The following GPC5 variants were observed in gnomAD, a reference collection of about 807,000 sequenced individuals.
The protein encoded by GPC5 is glypican 5.
In GPC5, 47 loss-of-function variants were observed where a neutral mutation model predicts 53.9. The ratio of observed to expected loss-of-function variants is 0.87; its 90% CI spans 0.69 to 1.11. GPC5 has a LOEUF of 1.11. Ranked by LOEUF, GPC5 falls within the 50% of genes most tolerant of loss-of-function variation. The probability of loss-of-function intolerance (pLI) is 0.00; values close to 1 mark genes in which losing one functional copy is unlikely to be tolerated. For missense variants in GPC5, 748 were observed against 713.1 expected, an observed-to-expected ratio of 1.05 and a Z score of -0.56; for synonymous variants, 286 against 263.3, an observed-to-expected ratio of 1.09 and a Z score of -0.84.
At chr13:92,472,019 G>C (rs956410102) in intron 7 of GPC5, among the ~76,000 whole-genome samples, 8 of 152,058 alleles carry the variant, frequency 5.3e-5, no homozygotes, top group African/African-American at 1.9e-4. Flanking sequence ...CCTCTTAACT[G>C]GTGGCTAGCA....
At chr13:91,457,369 TA>T (rs1196253843) in intron 2 of GPC5, among the ~76,000 whole-genome samples, 1 of 152,150 alleles carries the variant, frequency 6.6e-6, no homozygotes, top group Admixed American at 6.6e-5. Flanking sequence ...AATGATACTA[TA>T]AAAAATATCT....
intron 7 of GPC5, among the ~76,000 whole-genome samples, chr13:92,495,471 T>A (rs1780920739): frequency 6.6e-6 from 1 of 152,186 alleles, no homozygotes; most frequent in African/African-American, 2.4e-5. Flanking sequence ...AGAAAATATT[T>A]TAATTTTATT....
At chr13:92,849,067 G>A (rs893712475) in intron 7 of GPC5, among the ~76,000 whole-genome samples, 1 of 151,276 alleles carries the variant, frequency 6.6e-6, no homozygotes, top group African/African-American at 2.4e-5. Context: ...GTTGACCCAA[G>A]GTACAGCAAA....
intron 2 of GPC5, among the ~76,000 whole-genome samples, chr13:91,450,758 C>T (rs771266122): frequency 1.0e-3 from 157 of 152,118 alleles, no homozygotes; most frequent in Non-Finnish European, 1.9e-3. Flanking sequence ...AATATAGAGA[C>T]ATTCTTAAAT....
intron 7 of GPC5, among the ~76,000 whole-genome samples, chr13:92,703,142 A>G (rs1006626904): frequency 1.3e-5 from 2 of 151,396 alleles, no homozygotes; most frequent in African/African-American, 4.9e-5. Flanking sequence ...ATTTATTTCT[A>G]CCTTCCTCCA....
intron 7 of GPC5, among the ~76,000 whole-genome samples, chr13:92,229,877 T>C (rs2042517350): frequency 6.6e-6 from 1 of 152,084 alleles, no homozygotes; most frequent in Admixed American, 6.5e-5. Context: ...CTTGACACTT[T>C]TTAAAAAATA....
Position 92,482,699 on chromosome 13 carries a change from T to C in GPC5, c.1561+337710T>C, listed in dbSNP as rs150980651. Among the ~76,000 whole-genome samples the C allele has an allele frequency of 2.4e-3, 361 of 152,282 alleles. 1 individual carries two copies. The highest frequency in any genetic ancestry group is 8.4e-3 in the African/African-American group (348 of 41,556). The stretch of plus-strand genomic sequence containing the variant: ...ATTAGAGTGGAAGTCAGGTACACTT[T>C]TACCCACGATTGTATTGCACTTAAA... On this transcript the variant is annotated intron_variant, in intron 7 of 7. Coordinates refer to ENST00000377067, the MANE Select transcript of GPC5 (RefSeq NM_004466.6).
chr13:91,973,347 T>C (rs1341999122), intron 6 of GPC5, among the ~76,000 whole-genome samples: 2 of 152,210 alleles, frequency 1.3e-5, no homozygotes, highest in Non-Finnish European at 2.9e-5. Flanking sequence ...TCTGCATTAG[T>C]TATTCTAGTC....
intron 6 of GPC5, among the ~76,000 whole-genome samples, chr13:91,961,356 G>T (rs1187863213): frequency 6.6e-6 from 1 of 151,964 alleles, no homozygotes; most frequent in African/African-American, 2.4e-5. Flanking sequence ...TAGACAAATA[G>T]AATGATGGAA....
intron 7 of GPC5, among the ~76,000 whole-genome samples, chr13:92,230,730 ATT>A (rs1208000656): frequency 1.3e-5 from 2 of 152,274 alleles, no homozygotes; most frequent in African/African-American, 4.8e-5. Flanking sequence ...TATACTGCCA[ATT>A]ATTCCTTTGA....
At chr13:91,617,415 G>T (rs2033727423) in intron 2 of GPC5, among the ~76,000 whole-genome samples, 1 of 152,126 alleles carries the variant, frequency 6.6e-6, no homozygotes, top group South Asian at 2.1e-4. Flanking sequence ...GAAAAACACT[G>T]CCTGAACAGG....
chr13:92,213,595 A>G (rs2042390269), intron 7 of GPC5, among the ~76,000 whole-genome samples: 1 of 152,212 alleles, frequency 6.6e-6, no homozygotes, highest in African/African-American at 2.4e-5. Context: ...ACTAACATTT[A>G]TAAAGCAGAG....
intron 7 of GPC5, among the ~76,000 whole-genome samples, chr13:92,280,026 T>G (rs2042903389): frequency 6.6e-6 from 1 of 152,124 alleles, no homozygotes; most frequent in South Asian, 2.1e-4. Flanking sequence ...CAGAGAAGTT[T>G]ATCTAATTGT....
intron 1 of GPC5, among the ~76,000 whole-genome samples, chr13:91,401,629 T>C (rs750402532): frequency 1.3e-5 from 2 of 152,250 alleles, no homozygotes; most frequent in African/African-American, 2.4e-5. Context: ...TTCACAGTGG[T>C]TAATCCCTGA....
intron 2 of GPC5, among the ~76,000 whole-genome samples, chr13:91,531,907 T>C (rs1362147265): frequency 1.3e-5 from 2 of 152,196 alleles, no homozygotes; most frequent in Non-Finnish European, 2.9e-5. Context: ...ATGAGTCTCT[T>C]AGATCTTTCT....
intron 6 of GPC5, among the ~76,000 whole-genome samples, chr13:92,070,043 C>T (rs2041198368): frequency 6.6e-6 from 1 of 152,078 alleles, no homozygotes; most frequent in South Asian, 2.1e-4. Context: ...AAGCTGAGAC[C>T]ATGCTCCAGT....
chr13:92,080,954 T>C (rs2041290204), intron 6 of GPC5, among the ~76,000 whole-genome samples: 1 of 152,130 alleles, frequency 6.6e-6, no homozygotes, highest in Admixed American at 6.6e-5. Context: ...TGCAGGAAAA[T>C]TTCATCTCTG....
chr13:92,278,479 C>G (rs1297411078), intron 7 of GPC5, among the ~76,000 whole-genome samples: 1 of 151,936 alleles, frequency 6.6e-6, no homozygotes, highest in Admixed American at 6.6e-5. Context: ...AAGTTAGCAT[C>G]AATATTTAAA....
chr13:92,036,931 A>G (rs1282477555), intron 6 of GPC5, among the ~76,000 whole-genome samples: 1 of 152,152 alleles, frequency 6.6e-6, no homozygotes, highest in Non-Finnish European at 1.5e-5. Flanking sequence ...AACTTAAAAT[A>G]CTATAGTAGT....
Sources: allele counts gnomAD v4.1 joint callset (sites outside exome capture counted in the v4.1 genomes callset), GRCh38; gene constraint gnomAD v4.1.1; transcripts MANE v1.5; gene names NCBI Gene and HGNC (gene_info 2026-07-23, HGNC 2026-07-21).